CALCRL: variants seen among roughly 807,000 people sequenced by gnomAD.
CALCRL encodes calcitonin gene-related peptide type 1 receptor.
A neutral mutation model predicts 60.4 loss-of-function variants in CALCRL; 27 were observed. The ratio of observed to expected loss-of-function variants is 0.45; its 90% CI spans 0.33 to 0.62. The LOEUF is 0.62. Ranked by LOEUF, CALCRL falls within the 20% of genes least tolerant of loss-of-function variation. The probability of loss-of-function intolerance (pLI) is 0.03; values close to 1 mark genes in which losing one functional copy is unlikely to be tolerated. For synonymous variants in CALCRL, 190 were observed against 182.6 expected (o/e 1.04, Z -0.33); for missense variants, 424 against 540.7 (o/e 0.78, Z 2.14).
In CALCRL at chr2:187,387,769, T is replaced by C. The variant is rs2105794828; in HGVS notation, c.-292-13A>G. Reference sequence around the variant, plus strand: ...CAGGGGTCAAGACCTGAAATATTGATGAATGTAATAATTTAATATTATGCT... The same window carrying C: ...CAGGGGTCAAGACCTGAAATATTGACGAATGTAATAATTTAATATTATGCT... On this transcript the variant is annotated splice_polypyrimidine_tract_variant and intron_variant, in intron 1 of 14. Transcript: ENST00000392370. 2 of 396,174 alleles carry C rather than the reference T, an allele frequency of 5.0e-6. No homozygotes were observed. The highest frequency in any genetic ancestry group is 7.2e-5 in the East Asian group (2 of 27,750). 24.5% of individuals were successfully genotyped at this position (396,174 alleles called of 1,614,324 possible). A position where few individuals can be genotyped will look rare whatever the true frequency, so the allele number is the denominator to read the frequency against.
chr2:187,361,062 G>A (rs1321017651), intron 9 of CALCRL, among the ~76,000 whole-genome samples: 2 of 151,970 alleles, frequency 1.3e-5, no homozygotes, highest in East Asian at 1.9e-4. Flanking sequence ...GTATAAAAGT[G>A]TCACACATAA....
chr2:187,414,881 T>A lies in CALCRL; in HGVS notation c.-292-27125A>T, dbSNP rs1320684897. 9.8e-3 allele frequency among the ~76,000 whole-genome samples: 26 copies of A among 2,650 alleles called. 1 individual carries two copies. The South Asian group carries it at 0.28, about 29-fold the overall frequency. The allele number at this position is 2,650 out of a possible 152,430, so 1.7% of individuals were successfully genotyped here. ...AGCTGTGCCACCAGAAAATTATTTTTTTTTTTTTAAAAAAAAAAAGGTAGT... is the reference window on the plus strand; with the variant it reads ...AGCTGTGCCACCAGAAAATTATTTTATTTTTTTTAAAAAAAAAAAGGTAGT... On this transcript the variant is annotated intron_variant, in intron 1 of 14. Coordinates refer to ENST00000392370, the MANE Select transcript of CALCRL (RefSeq NM_005795.6).
chr2:187,354,806 C>T (rs975537630), intron 12 of CALCRL, among the ~76,000 whole-genome samples: 1 of 151,950 alleles, frequency 6.6e-6, no homozygotes, highest in African/African-American at 2.4e-5. Flanking sequence ...CAGATGTTTC[C>T]AAGGATAGTG....
Position 187,344,378 on chromosome 2 carries a change from G to C in CALCRL, c.*1806C>G, listed in dbSNP as rs944421643. 9 of 151,622 alleles carry C rather than the reference G, an allele frequency of 5.9e-5. No homozygotes were observed. Among genetic ancestry groups the C allele is most frequent in the Non-Finnish European group, 1.3e-4 (9 of 67,634 alleles). The allele number at this position is 151,622 out of a possible 1,614,324, so 9.4% of individuals were successfully genotyped here. A position where few individuals can be genotyped will look rare whatever the true frequency, so the allele number is the denominator to read the frequency against. ...TGAACTCACCATCTATTGACATATT[G>C]ACAGCTTAAGAAACAACTTATGATG... On this transcript the variant is annotated 3_prime_UTR_variant, in exon 15 of 15. Transcript: ENST00000392370.
intron 1 of CALCRL, among the ~76,000 whole-genome samples, chr2:187,390,368 T>A (rs1688385779): frequency 6.6e-6 from 1 of 152,176 alleles, no homozygotes; most frequent in Admixed American, 6.5e-5. Flanking sequence ...AAATCACGTA[T>A]GTTTTACAAA....
At chr2:187,378,567 T>C (rs1207718660) in intron 8 of CALCRL, among the ~76,000 whole-genome samples, 1 of 152,170 alleles carries the variant, frequency 6.6e-6, no homozygotes, top group Admixed American at 6.5e-5. Context: ...TTGCACAAAA[T>C]TCCGGTTTCT....
chr2:187,388,753 CAAT>C (rs1229768671), intron 1 of CALCRL, among the ~76,000 whole-genome samples: 1 of 151,934 alleles, frequency 6.6e-6, no homozygotes, highest in Non-Finnish European at 1.5e-5. Flanking sequence ...TTATTTTAAA[CAAT>C]ATCACATTCT....
chr2:187,365,096 T>A (rs1291424705), intron 8 of CALCRL, among the ~76,000 whole-genome samples: 1 of 152,198 alleles, frequency 6.6e-6, no homozygotes, highest in African/African-American at 2.4e-5. Context: ...AGGAGTGGCA[T>A]GATTCCTGCT....
At chr2:187,362,824 A>T (rs1687114011) in intron 9 of CALCRL, among the ~76,000 whole-genome samples, 1 of 152,262 alleles carries the variant, frequency 6.6e-6, no homozygotes, top group Admixed American at 6.5e-5. Context: ...ACATTATGCT[A>T]TGAAGTTTAA....
intron 1 of CALCRL, among the ~76,000 whole-genome samples, chr2:187,394,953 A>G (rs1245486795): frequency 3.3e-5 from 5 of 152,078 alleles, no homozygotes; most frequent in Admixed American, 2.0e-4. Context: ...AACTTTTATC[A>G]TAGCTCACCT....
At chr2:187,360,502 A>G in intron 10 of CALCRL, 96 bp downstream of exon 10, 1 of 1,017,590 alleles carries the variant, frequency 9.8e-7, no homozygotes, top group Non-Finnish European at 1.4e-6. Flanking sequence ...TTTAAAAATG[A>G]TTACTCATTG....
At chr2:187,432,015 G>A (rs1690429781) in intron 1 of CALCRL, among the ~76,000 whole-genome samples, 1 of 152,048 alleles carries the variant, frequency 6.6e-6, no homozygotes, top group Non-Finnish European at 1.5e-5. Context: ...TGGTTCTAAG[G>A]CAGGAATGAC....
chr2:187,364,760 G>A (rs1267075398), intron 8 of CALCRL, among the ~76,000 whole-genome samples: 2 of 152,100 alleles, frequency 1.3e-5, no homozygotes, highest in Non-Finnish European at 2.9e-5. Context: ...GAGCCTGGAG[G>A]CATATTTGAT....
intron 1 of CALCRL, among the ~76,000 whole-genome samples, chr2:187,405,979 G>C (rs975735203): frequency 6.6e-6 from 1 of 151,684 alleles, no homozygotes; most frequent in Admixed American, 6.6e-5. Flanking sequence ...GTGTGTGTGT[G>C]TGTGTGTGTG....
intron 1 of CALCRL, among the ~76,000 whole-genome samples, chr2:187,392,767 A>G (rs1331398578): frequency 6.6e-6 from 1 of 152,064 alleles, no homozygotes; most frequent in African/African-American, 2.4e-5. Flanking sequence ...GCAGTGGTAC[A>G]ATCATAGCTC....
At chr2:187,368,797 C>CA (rs199635246) in intron 8 of CALCRL, among the ~76,000 whole-genome samples, 1 of 151,914 alleles carries the variant, frequency 6.6e-6, no homozygotes, top group East Asian at 1.9e-4. Flanking sequence ...TCTTTTCCCC[C>CA]AAAAAACACT....
intron 14 of CALCRL, 139 bp from the exon 15 acceptor site, chr2:187,346,538 C>T (rs894804726): frequency 1.7e-6 from 1 of 584,994 alleles, no homozygotes; most frequent in African/African-American, 1.9e-5. Flanking sequence ...AATAATATAG[C>T]TTCATTTTCT....
rs568320431 is a variant in CALCRL at position 187,366,780 on chromosome 2, A to G, written c.501-3278T>C. Among the ~76,000 whole-genome samples the G allele has an allele frequency of 2.8e-4, 43 of 152,062 alleles. No homozygotes were observed. The South Asian group carries it at 8.1e-3, about 29-fold the overall frequency. On this transcript the variant is annotated intron_variant, in intron 8 of 14. Transcript: ENST00000392370. ...TGTATAAAGTTCAATGTCCTCTATG[A>G]TGGTCTATATTTCTGTTCCTCTCAG...
intron 1 of CALCRL, among the ~76,000 whole-genome samples, chr2:187,429,062 T>A (rs1331408977): frequency 6.6e-6 from 1 of 152,066 alleles, no homozygotes; most frequent in Non-Finnish European, 1.5e-5. Context: ...TAAGTTAATA[T>A]CTTTACTATT....
Sources: gnomAD v4.1 joint callset for allele counts (sites outside exome capture counted in the v4.1 genomes callset) on GRCh38, gnomAD v4.1.1 for gene constraint, MANE v1.5 for transcripts, NCBI Gene and HGNC (gene_info 2026-07-23, HGNC 2026-07-21) for gene names.